KAT6B: variants seen among roughly 807,000 people sequenced by gnomAD.
KAT6B encodes histone acetyltransferase KAT6B.
A neutral mutation model predicts 187.5 loss-of-function variants in KAT6B; 10 were observed. That is an observed-to-expected ratio of 0.05 (90% CI 0.03 to 0.09). KAT6B has a LOEUF of 0.09. Ranked by LOEUF, KAT6B falls within the 10% of genes least tolerant of loss-of-function variation. The pLI is 1.00. For missense variants in KAT6B, 1,952 were observed against 2,558.9 expected, an observed-to-expected ratio of 0.76 and a Z score of 5.12; for synonymous variants, 861 against 926.8, an observed-to-expected ratio of 0.93 and a Z score of 1.29.
intron 3 of KAT6B, among the ~76,000 whole-genome samples, chr10:74,922,757 A>G (rs184974441): frequency 7.2e-4 from 109 of 152,342 alleles, no homozygotes; most frequent in Middle Eastern, 6.8e-3. Context: ...TACAGGCCCC[A>G]TGGTAAACTT....
intron 3 of KAT6B, among the ~76,000 whole-genome samples, chr10:74,913,182 G>A (rs1206752615): frequency 1.3e-5 from 2 of 152,276 alleles, no homozygotes; most frequent in East Asian, 3.9e-4. Flanking sequence ...AGATAAATCA[G>A]AAATTAAGCA....
At position 74,984,531 on chromosome 10, in the gene KAT6B, A is replaced by G. The variant is rs143238934; in HGVS notation, c.2374-549A>G. On this transcript the variant is annotated intron_variant, in intron 11 of 17. Transcript: ENST00000287239. ...CACTTTCTCTGTAAGTATTCCCAAC[A>G]TAGATATTTTATCTTTTCCAATTAT... 2.4e-4 allele frequency: 37 copies of G among 156,366 alleles called. 1 individual carries two copies. In the East Asian group the frequency reaches 6.4e-3, roughly 27 times the overall value. The allele number at this position is 156,366 out of a possible 1,614,324, so 9.7% of individuals were successfully genotyped here.
chr10:74,931,171 G>T (rs1394269896), intron 3 of KAT6B, among the ~76,000 whole-genome samples: 2 of 152,168 alleles, frequency 1.3e-5, no homozygotes, highest in African/African-American at 4.8e-5. Flanking sequence ...GGTGAGGCTG[G>T]TAGGGGCGGT....
At chr10:74,933,346 A>ACATTGTTT (rs1332141205) in intron 3 of KAT6B, among the ~76,000 whole-genome samples, 1 of 152,170 alleles carries the variant, frequency 6.6e-6, no homozygotes, top group Admixed American at 6.5e-5. Flanking sequence ...TTAAACAGTA[A>ACATTGTTT]CATTGTTTGG....
intron 3 of KAT6B, among the ~76,000 whole-genome samples, chr10:74,917,092 G>A (rs775572065): frequency 3.8e-4 from 58 of 152,170 alleles, no homozygotes; most frequent in Non-Finnish European, 6.8e-4. Context: ...GTGACAGGCC[G>A]AGACCCTGTC....
chr10:74,898,481 T>C (rs905595915), intron 3 of KAT6B, among the ~76,000 whole-genome samples: 21 of 152,134 alleles, frequency 1.4e-4, no homozygotes, highest in Non-Finnish European at 4.4e-5. Flanking sequence ...AATAGGGTCT[T>C]ACTCTGTTGC....
rs997872525 is a variant in KAT6B at position 74,960,148 on chromosome 10, C to G, written c.730+70C>G. On this transcript the variant is annotated intron_variant, in intron 4 of 17. Coordinates refer to ENST00000287239, the MANE Select transcript of KAT6B (RefSeq NM_012330.4). ...TCATAGCTTCATGCTATTTGTCTCTCTATTAAAACTGTATTGTTATTTAAG... is the reference window on the plus strand; with the variant it reads ...TCATAGCTTCATGCTATTTGTCTCTGTATTAAAACTGTATTGTTATTTAAG... 3.0e-6 allele frequency: 3 copies of G among 994,648 alleles called. No individual in the cohort carries two copies. In the African/African-American group the frequency reaches 4.8e-5, roughly 16 times the overall value. The allele number at this position is 994,648 out of a possible 1,614,324, so 61.6% of individuals were successfully genotyped here. A position where few individuals can be genotyped will look rare whatever the true frequency, so the allele number is the denominator to read the frequency against.
At chr10:74,931,026 A>G (rs1848833655) in intron 3 of KAT6B, among the ~76,000 whole-genome samples, 1 of 152,250 alleles carries the variant, frequency 6.6e-6, no homozygotes, top group African/African-American at 2.4e-5. Context: ...CATAACTGAC[A>G]CAAACAGGTT....
chr10:74,950,257 GGT>G (rs1453413977), intron 3 of KAT6B, among the ~76,000 whole-genome samples: 4 of 152,068 alleles, frequency 2.6e-5, no homozygotes, highest in African/African-American at 9.7e-5. Flanking sequence ...AAAACAAAAG[GGT>G]ACAGGAGTAT....
At chr10:75,001,130 G>T (rs188736205) in intron 13 of KAT6B, among the ~76,000 whole-genome samples, 1 of 152,192 alleles carries the variant, frequency 6.6e-6, no homozygotes, top group East Asian at 1.9e-4. Flanking sequence ...GAGGAAAGAT[G>T]CTTTAGGGTA....
chr10:74,866,100 T>C (rs1398009878), intron 3 of KAT6B, among the ~76,000 whole-genome samples: 1 of 152,146 alleles, frequency 6.6e-6, no homozygotes, highest in East Asian at 1.9e-4. Context: ...GTCTTGGAAC[T>C]GATCCCTCAT....
intron 1 of KAT6B, among the ~76,000 whole-genome samples, chr10:74,837,699 A>G (rs924325039): frequency 6.6e-6 from 1 of 152,168 alleles, no homozygotes; most frequent in East Asian, 1.9e-4. Context: ...ATGAATTTAC[A>G]GTGGGGCCAG....
chr10:74,829,927 C>T (rs1230764752), intron 1 of KAT6B, among the ~76,000 whole-genome samples: 8 of 149,408 alleles, frequency 5.4e-5, no homozygotes, highest in South Asian at 2.1e-4. Flanking sequence ...TTGAGGCAGG[C>T]GAATCACTTG....
At chr10:74,876,046 A>G (rs1294352169) in intron 3 of KAT6B, among the ~76,000 whole-genome samples, 1 of 152,206 alleles carries the variant, frequency 6.6e-6, no homozygotes, top group African/African-American at 2.4e-5. Flanking sequence ...AGCATCCTAC[A>G]AGGCAAATAG....
intron 1 of KAT6B, among the ~76,000 whole-genome samples, chr10:74,838,073 T>C (rs1841449122): frequency 6.6e-6 from 1 of 152,204 alleles, no homozygotes; most frequent in South Asian, 2.1e-4. Flanking sequence ...ACAATTGTTC[T>C]TTTAAATTTA....
intron 13 of KAT6B, among the ~76,000 whole-genome samples, chr10:75,010,403 T>G (rs1844511612): frequency 6.6e-6 from 1 of 152,254 alleles, no homozygotes; most frequent in South Asian, 2.1e-4. Context: ...TGAAATGTAC[T>G]TTGTTTGAAA....
At position 74,904,637 on chromosome 10, in the gene KAT6B, T is replaced by G. The variant is rs554267581; in HGVS notation, c.622-55333T>G. ...ATCCCTTGATGACTGGCCAGCTTTC[T>G]GTTTGACACCTCCTTTCTTTAGCTG... On this transcript the variant is annotated intron_variant, in intron 3 of 17. Coordinates refer to ENST00000287239, the MANE Select transcript of KAT6B (RefSeq NM_012330.4). Among the ~76,000 whole-genome samples the G allele has an allele frequency of 7.9e-5, 12 of 152,342 alleles. No individual in the cohort carries two copies. In the South Asian group the frequency reaches 2.5e-3, roughly 32 times the overall value.
intron 3 of KAT6B, among the ~76,000 whole-genome samples, chr10:74,888,249 T>C (rs1431821453): frequency 6.6e-6 from 1 of 152,176 alleles, no homozygotes; most frequent in Non-Finnish European, 1.5e-5. Context: ...AAGTGATGAA[T>C]AAATTTGACC....
chr10:74,886,466 A>T (rs1344220449), intron 3 of KAT6B, among the ~76,000 whole-genome samples: 1 of 152,220 alleles, frequency 6.6e-6, no homozygotes, highest in Non-Finnish European at 1.5e-5. Context: ...TATCTAATGT[A>T]TATAAATATT....
Sources: gnomAD v4.1 joint callset for allele counts (sites outside exome capture counted in the v4.1 genomes callset) on GRCh38, gnomAD v4.1.1 for gene constraint, MANE v1.5 for transcripts, NCBI Gene and HGNC (gene_info 2026-07-23, HGNC 2026-07-21) for gene names.